The following MYO16 variants were observed in gnomAD, a reference collection of about 807,000 sequenced individuals.
MYO16 encodes myosin XVI.
A neutral mutation model predicts 205.3 loss-of-function variants in MYO16; 94 were observed. The ratio of observed to expected loss-of-function variants is 0.46; its 90% CI spans 0.39 to 0.54. MYO16 has a LOEUF of 0.54. Among genes scored for constraint, MYO16 ranks in the 20% least tolerant of loss-of-function variants. The pLI is 0.00. For missense variants in MYO16, 2,315 were observed against 2,387.5 expected (o/e 0.97, Z 0.63); for synonymous variants, 988 against 954.0 (o/e 1.04, Z -0.66).
intron 34 of MYO16, among the ~76,000 whole-genome samples, chr13:109,204,175 T>A (rs1407624483): frequency 6.6e-6 from 1 of 152,232 alleles, no homozygotes; most frequent in Non-Finnish European, 1.5e-5. Context: ...TAACATGCTA[T>A]AGCTCTCCAG....
intron 34 of MYO16, among the ~76,000 whole-genome samples, chr13:109,195,150 C>A (rs1367654350): frequency 6.6e-6 from 1 of 151,924 alleles, no homozygotes; most frequent in Non-Finnish European, 1.5e-5. Context: ...ATTAAAGCAT[C>A]CAGATAAGGT....
chr13:108,831,154 G>A (rs1252764821), intron 9 of MYO16, among the ~76,000 whole-genome samples: 1 of 151,968 alleles, frequency 6.6e-6, no homozygotes, highest in Non-Finnish European at 1.5e-5. Context: ...ACTTCTTAAT[G>A]CTATCACTTT....
intron 23 of MYO16, among the ~76,000 whole-genome samples, chr13:109,044,137 T>C (rs1385612375): frequency 6.9e-6 from 1 of 144,386 alleles, no homozygotes; most frequent in African/African-American, 2.5e-5. Context: ...CTGACTATGA[T>C]GAAAAAAAAA....
intron 21 of MYO16, among the ~76,000 whole-genome samples, chr13:108,993,396 C>G (rs1163470643): frequency 6.6e-6 from 1 of 152,136 alleles, no homozygotes; most frequent in East Asian, 1.9e-4. Context: ...GTCAGTTACT[C>G]TCATACTGTA....
In MYO16 at chr13:109,207,085, T is replaced by A. The variant is rs1880632625; in HGVS notation, c.*249T>A. On this transcript the variant is annotated 3_prime_UTR_variant, in exon 35 of 35. Coordinates refer to ENST00000457511, the MANE Select transcript of MYO16 (RefSeq NM_001198950.3). ...TTTTCAAGCTCCTCATTTACGGCTCTGTGCTACCCCTAGGTAGCAAGAGAG... is the reference window on the plus strand; with the variant it reads ...TTTTCAAGCTCCTCATTTACGGCTCAGTGCTACCCCTAGGTAGCAAGAGAG... 2 of 465,544 alleles carry A rather than the reference T, an allele frequency of 4.3e-6. No individual in the cohort carries two copies. The highest frequency in any genetic ancestry group is 3.9e-5 in the African/African-American group (2 of 51,174). 28.8% of individuals were successfully genotyped at this position (465,544 alleles called of 1,614,324 possible). A position where few individuals can be genotyped will look rare whatever the true frequency, so the allele number is the denominator to read the frequency against.
chr13:108,633,284 C>T (rs891035402), intron 1 of MYO16, among the ~76,000 whole-genome samples: 2 of 152,062 alleles, frequency 1.3e-5, no homozygotes, highest in Non-Finnish European at 2.9e-5. Flanking sequence ...AGGTGAGGTC[C>T]CACAATAGGC....
chr13:108,846,246 T>A (rs1247848554), intron 10 of MYO16, among the ~76,000 whole-genome samples: 1 of 152,190 alleles, frequency 6.6e-6, no homozygotes, highest in Non-Finnish European at 1.5e-5. Flanking sequence ...GTTTGGTTTT[T>A]GTTTTCATTA....
intron 27 of MYO16, among the ~76,000 whole-genome samples, chr13:109,062,445 G>A (rs1270630902): frequency 2.0e-5 from 3 of 152,176 alleles, no homozygotes; most frequent in Non-Finnish European, 2.9e-5. Context: ...TAGTGAGGAT[G>A]AGAAATGGTA....
At chr13:108,600,318 C>T (rs566021081) in intron 1 of MYO16, among the ~76,000 whole-genome samples, 24 of 152,248 alleles carry the variant, frequency 1.6e-4, no homozygotes, top group African/African-American at 5.8e-4. Context: ...CTCTAAGCTG[C>T]AGTCTTTTTG....
chr13:108,845,881 T>TC (rs1303078628), intron 10 of MYO16, among the ~76,000 whole-genome samples: 6 of 36,344 alleles, frequency 1.7e-4, no homozygotes, highest in African/African-American at 8.4e-4. Flanking sequence ...TCTCTGCCAT[T>TC]TTTTTTTTTA....
chr13:108,873,919 G>T (rs906907549), intron 12 of MYO16, among the ~76,000 whole-genome samples: 4 of 152,256 alleles, frequency 2.6e-5, no homozygotes, highest in African/African-American at 9.6e-5. Flanking sequence ...AAAGCCAGAT[G>T]TTCCTGCATG....
chr13:108,593,836 C>T (rs2139287974), upstream of MYO16, among the ~76,000 whole-genome samples: 1 of 152,286 alleles, frequency 6.6e-6, no homozygotes, highest in East Asian at 1.9e-4. Context: ...CATGTCACGC[C>T]CTCTGTCCCA....
chr13:108,856,521 A>C (rs567462869), intron 11 of MYO16, among the ~76,000 whole-genome samples: 15 of 152,352 alleles, frequency 9.8e-5, no homozygotes, highest in African/African-American at 3.6e-4. Context: ...TAATGAAATC[A>C]TGTCATTGGC....
At chr13:108,749,773 G>T (rs1040499410) in intron 4 of MYO16, among the ~76,000 whole-genome samples, 1 of 152,066 alleles carries the variant, frequency 6.6e-6, no homozygotes, top group Non-Finnish European at 1.5e-5. Flanking sequence ...TCATGTTCCC[G>T]GGTTTTTACA....
rs186121173 is a variant in MYO16, at chr13:108,990,025, T to A, written c.2370-2351T>A. 9.2e-5 allele frequency among the ~76,000 whole-genome samples: 14 copies of A among 152,212 alleles called. No individual in the cohort carries two copies. The East Asian group carries it at 2.5e-3, about 27-fold the overall frequency. ...TCCAGTTCAAAATATTTAAGTAACT[T>A]GTCTAAAGTTAACCAACCCAAAAGT... On this transcript the variant is annotated intron_variant, in intron 20 of 34. Transcript: ENST00000457511.
At chr13:108,693,876 G>GTGAAA (rs1882992544) in intron 2 of MYO16, among the ~76,000 whole-genome samples, 2 of 152,048 alleles carry the variant, frequency 1.3e-5, no homozygotes. Flanking sequence ...TCACCCTCCA[G>GTGAAA]TTGGCCCCAG....
chr13:108,740,407 C>A (rs1046594739), intron 4 of MYO16, among the ~76,000 whole-genome samples: 3 of 152,192 alleles, frequency 2.0e-5, no homozygotes, highest in Non-Finnish European at 2.9e-5. Flanking sequence ...TCACTCCAGA[C>A]CCTATTTGCC....
chr13:108,606,778 A>T (rs1426250699), intron 1 of MYO16, among the ~76,000 whole-genome samples: 1 of 152,130 alleles, frequency 6.6e-6, no homozygotes, highest in African/African-American at 2.4e-5. Flanking sequence ...AGATCCACCT[A>T]CAGCTTGCAC....
At chr13:109,113,978 C>A (rs1421628193) in intron 28 of MYO16, among the ~76,000 whole-genome samples, 5 of 152,108 alleles carry the variant, frequency 3.3e-5, no homozygotes, top group Non-Finnish European at 7.4e-5. Flanking sequence ...CTCTCACGAG[C>A]AGTCTGTATT....
Sources: allele counts gnomAD v4.1 joint callset (sites outside exome capture counted in the v4.1 genomes callset), GRCh38; gene constraint gnomAD v4.1.1; transcripts MANE v1.5; gene names NCBI Gene and HGNC (gene_info 2026-07-23, HGNC 2026-07-21).